Variants in DST observed in about 807,000 individuals in gnomAD.
DST encodes bullous pemphigoid antigen.
Under a neutral mutation model 875.2 loss-of-function variants are expected in DST, and 253 were observed. The observed-to-expected ratio is 0.29, with a 90% CI of 0.26 to 0.32. DST has a LOEUF of 0.32. Ranked by LOEUF, DST falls within the 10% of genes least tolerant of loss-of-function variation. The pLI, the probability that DST is intolerant of heterozygous loss-of-function variation, is 1.00. For missense variants in DST, 8,287 were observed against 9,111.6 expected (o/e 0.91, Z 3.68); for synonymous variants, 3,124 against 3,197.1 (o/e 0.98, Z 0.77).
chr6:56,485,128 C>T (rs1226673820), intron 88 of DST, 184 bp downstream of exon 88: 1 of 598,038 alleles, frequency 1.7e-6, no homozygotes, highest in Non-Finnish European at 2.8e-6. Flanking sequence ...AATAATACTT[C>T]CCCATCACTT....
In DST at chr6:56,646,172, T is replaced by C; in HGVS notation, c.1565A>G (p.Asn522Ser). 6.7e-7 allele frequency: 1 copy of C among 1,482,062 alleles called. No homozygotes were observed. The highest frequency in any genetic ancestry group is 9.1e-7 in the Non-Finnish European group (1 of 1,100,002). 91.8% of individuals were successfully genotyped at this position (1,482,062 alleles called of 1,614,324 possible). A position where few individuals can be genotyped will look rare whatever the true frequency, so the allele number is the denominator to read the frequency against. The change falls in exon 14 of 104, where the codon AAT becomes AGT. Residue 522 changes from asparagine to serine, a missense_variant. By Grantham distance (46) the Asn-to-Ser change is conservative. Coordinates refer to ENST00000680361, the MANE Select transcript of DST (RefSeq NM_001374736.1). ...NNPVELKALY[N>S]QYLQFKETEI... is the part of the protein sequence containing the mutation. The stretch of plus-strand genomic sequence containing the variant: ...TGTTTCTTTAAACTGTAAATACTGA[T>C]TATAAAGTGCCTAAAATAAAAAGGA...
chr6:56,477,921 A>C (rs2095264422), intron 90 of DST, among the ~76,000 whole-genome samples: 1 of 152,216 alleles, frequency 6.6e-6, no homozygotes, highest in South Asian at 2.1e-4. Context: ...ATGACAAGGA[A>C]AAAAGTATGT....
At chr6:56,576,565 T>C (rs1381635837) in intron 50 of DST, among the ~76,000 whole-genome samples, 3 of 152,208 alleles carry the variant, frequency 2.0e-5, no homozygotes, top group Middle Eastern at 3.4e-3. Context: ...TGTTGGAGAA[T>C]TGTTTGGTGT....
intron 2 of DST, among the ~76,000 whole-genome samples, chr6:56,936,264 G>A (rs748121312): frequency 6.7e-4 from 102 of 152,308 alleles, no homozygotes; most frequent in African/African-American, 1.7e-3. Flanking sequence ...CTCATTGAAC[G>A]CAGCTGTAAA....
intron 49 of DST, among the ~76,000 whole-genome samples, chr6:56,590,879 C>T (rs1291797497): frequency 6.6e-6 from 1 of 152,204 alleles, no homozygotes; most frequent in African/African-American, 2.4e-5. Context: ...CACATTTCAC[C>T]CGGGTATGAC....
Position 56,713,684 on chromosome 6 carries a change from C to A in DST, c.688-9315G>T, listed in dbSNP as rs151218900. Among the ~76,000 whole-genome samples, 4 of 152,320 alleles carry A rather than the reference C, an allele frequency of 2.6e-5. No homozygotes were observed. The East Asian group carries it at 7.7e-4, about 29-fold the overall frequency. ...TCTGGTCATGCCATCATGGGCACTT[C>A]CCGGTGTCCCTTTCAGAGCATTATT... On this transcript the variant is annotated intron_variant, in intron 5 of 103. Transcript: ENST00000680361.
At chr6:56,716,716 T>C (rs1371311451) in intron 5 of DST, among the ~76,000 whole-genome samples, 2 of 152,186 alleles carry the variant, frequency 1.3e-5, no homozygotes, top group Non-Finnish European at 2.9e-5. Context: ...AAACTGCCCT[T>C]AATTATTGGG....
chr6:56,501,250 G>GA lies in DST; in HGVS notation c.19741-16dup. ...TCCAGTTTATGCTACAGAAAAAGTG[G>GA]AAAGAAAATCCATTTATAAATTTGA... On this transcript the variant is annotated splice_polypyrimidine_tract_variant and intron_variant, in intron 79 of 103. Coordinates refer to ENST00000680361, the MANE Select transcript of DST (RefSeq NM_001374736.1). 1.3e-6 allele frequency: 2 copies of GA among 1,565,806 alleles called. No homozygotes were observed. Among genetic ancestry groups the GA allele is most frequent in the South Asian group, 2.4e-5 (2 of 81,750 alleles).
intron 2 of DST, among the ~76,000 whole-genome samples, chr6:56,916,723 G>A (rs1315457637): frequency 4.1e-5 from 6 of 145,654 alleles, no homozygotes; most frequent in African/African-American, 1.6e-4. Flanking sequence ...CTGTACTCCA[G>A]CCCTGAGACA....
intron 82 of DST, 68 bp downstream of exon 82, chr6:56,497,311 G>A (rs1322840013): frequency 1.5e-5 from 23 of 1,552,648 alleles, no homozygotes; most frequent in Middle Eastern, 1.8e-4. Context: ...TTTATGTATC[G>A]CCAGGGCCCA....
rs758823261 is a variant in DST at position 56,506,472 on chromosome 6, C to A, written c.19435G>T (p.Ala6479Ser). Residue 6479 changes from alanine to serine, a missense_variant, in exon 77 of 104, where the codon GCT becomes TCT. Coordinates refer to ENST00000680361, the MANE Select transcript of DST (RefSeq NM_001374736.1). The part of the protein sequence containing the change: ...RIDKLEEAMQ[A>S]AVQYQDGLQA... ...AGTCCATCCTGGTACTGAACGGCAG[C>A]CTGCATTGCCTCCTCAAGTTTGTCA... is the stretch of plus-strand genomic sequence containing the variant. 1.7e-5 allele frequency: 27 copies of A among 1,612,920 alleles called. No individual in the cohort carries two copies. Among genetic ancestry groups the A allele is most frequent in the Non-Finnish European group, 1.9e-5 (23 of 1,179,498 alleles).
chr6:56,880,550 T>C (rs2127633859), intron 3 of DST, among the ~76,000 whole-genome samples: 1 of 151,952 alleles, frequency 6.6e-6, no homozygotes, highest in African/African-American at 2.4e-5. Context: ...TAGCCGGGCG[T>C]GGTACACACA....
intron 58 of DST, among the ~76,000 whole-genome samples, chr6:56,559,601 C>A (rs1353779068): frequency 6.6e-6 from 1 of 152,206 alleles, no homozygotes; most frequent in East Asian, 1.9e-4. Flanking sequence ...TACACATTAA[C>A]TTATTGGGTT....
chr6:56,780,755 C>A (rs1322272700), intron 4 of DST, among the ~76,000 whole-genome samples: 2 of 150,508 alleles, frequency 1.3e-5, no homozygotes, highest in Admixed American at 6.6e-5. Flanking sequence ...TCAATTTTGG[C>A]TTTTGTTGCC....
At chr6:56,728,561 A>G (rs577893975) in intron 5 of DST, among the ~76,000 whole-genome samples, 34 of 152,292 alleles carry the variant, frequency 2.2e-4, no homozygotes, top group African/African-American at 8.2e-4. Flanking sequence ...CTGTAATCCC[A>G]GCTGCTCAGG....
intron 9 of DST, among the ~76,000 whole-genome samples, chr6:56,689,668 G>C (rs998392509): frequency 6.6e-6 from 1 of 152,106 alleles, no homozygotes; most frequent in Non-Finnish European, 1.5e-5. Context: ...CTGACCCTTA[G>C]AATCACCTAC....
Position 56,552,370 on chromosome 6 carries a change from G to T in DST, c.16422C>A (p.Asn5474Lys). ...RDLEALSKQC[N>K]KLLDRAQARE... Reference sequence around the variant, plus strand: ...TGGCTTGGGCTCGGTCCAGTAACTTGTTGCATTGTTTGCTTAAGGCCTCCA... The same window carrying T: ...TGGCTTGGGCTCGGTCCAGTAACTTTTTGCATTGTTTGCTTAAGGCCTCCA... The change falls in exon 61 of 104, where the codon AAC becomes AAA. Residue 5474 changes from asparagine to lysine, a missense_variant. Coordinates refer to ENST00000680361, the MANE Select transcript of DST (RefSeq NM_001374736.1). 3 of 1,613,952 alleles carry T rather than the reference G, an allele frequency of 1.9e-6. No individual in the cohort carries two copies. The highest frequency in any genetic ancestry group is 2.5e-6 in the Non-Finnish European group (3 of 1,179,884).
In DST at chr6:56,783,449, T is replaced by G. The variant is rs543366381; in HGVS notation, c.626-48160A>C. 3.2e-3 allele frequency among the ~76,000 whole-genome samples: 484 copies of G among 151,308 alleles called. 2 individuals are homozygous for G. Among genetic ancestry groups the G allele is most frequent in the African/African-American group, 0.011 (465 of 40,580 alleles). ...TATATTTAGGATAGTTAGCTCTTCTTGTTGAATTGATCCCTTTACCATTAC... is the reference window on the plus strand; with the variant it reads ...TATATTTAGGATAGTTAGCTCTTCTGGTTGAATTGATCCCTTTACCATTAC... On this transcript the variant is annotated intron_variant, in intron 4 of 103. Coordinates refer to ENST00000680361, the MANE Select transcript of DST (RefSeq NM_001374736.1).
At chr6:56,692,203 T>G (rs1034523732) in intron 9 of DST, among the ~76,000 whole-genome samples, 1 of 152,214 alleles carries the variant, frequency 6.6e-6, no homozygotes, top group Non-Finnish European at 1.5e-5. Flanking sequence ...TCAAAGAATG[T>G]GCACAGCACA....
Sources: gnomAD v4.1 joint callset for allele counts (sites outside exome capture counted in the v4.1 genomes callset) on GRCh38, gnomAD v4.1.1 for gene constraint, MANE v1.5 for transcripts, NCBI Gene and HGNC (gene_info 2026-07-23, HGNC 2026-07-21) for gene names.